ARHGEF26: variants seen among roughly 807,000 people sequenced by gnomAD.
The protein encoded by ARHGEF26 is Rho guanine nucleotide exchange factor (GEF) 26.
In ARHGEF26, 59 loss-of-function variants were observed where a neutral mutation model predicts 89.4. The observed-to-expected ratio is 0.66, with a 90% CI of 0.54 to 0.82. The LOEUF is 0.82. Among genes scored for constraint, ARHGEF26 ranks in the 40% least tolerant of loss-of-function variants. The probability of loss-of-function intolerance (pLI) is 0.00; values close to 1 mark genes in which losing one functional copy is unlikely to be tolerated. For missense variants in ARHGEF26, 1,234 were observed against 1,085.6 expected, an observed-to-expected ratio of 1.14 and a Z score of -1.92; for synonymous variants, 500 against 428.4, an observed-to-expected ratio of 1.17 and a Z score of -2.06.
At chr3:154,129,395 G>A (rs1718537530) in intron 3 of ARHGEF26, among the ~76,000 whole-genome samples, 179 bp from the exon 4 acceptor site, 1 of 152,194 alleles carries the variant, frequency 6.6e-6, no homozygotes, top group South Asian at 2.1e-4. Flanking sequence ...TTGAGTTTGA[G>A]ATAGAGCTAT....
intron 12 of ARHGEF26, 43 bp downstream of exon 12, chr3:154,240,622 T>C: frequency 6.6e-7 from 1 of 1,507,802 alleles, no homozygotes; most frequent in Non-Finnish European, 8.9e-7. Flanking sequence ...TGATAGTATC[T>C]CCCTGACCTG....
chr3:154,127,898 A>G (rs1339782711), intron 3 of ARHGEF26, among the ~76,000 whole-genome samples: 1 of 152,120 alleles, frequency 6.6e-6, no homozygotes, highest in Non-Finnish European at 1.5e-5. Context: ...GTGGTTTGTC[A>G]TTGATCAAAA....
chr3:154,242,641 G>T (rs1717539515), intron 12 of ARHGEF26, among the ~76,000 whole-genome samples: 2 of 152,172 alleles, frequency 1.3e-5, no homozygotes. Flanking sequence ...TGAGACGATT[G>T]ACTCCAATTT....
chr3:154,151,801 C>G (rs555588092), intron 5 of ARHGEF26, among the ~76,000 whole-genome samples: 3 of 152,250 alleles, frequency 2.0e-5, no homozygotes, highest in African/African-American at 7.2e-5. Context: ...CTTTCCTGCT[C>G]CCACCCAGCC....
chr3:154,236,567 G>A (rs1430385724), intron 11 of ARHGEF26, among the ~76,000 whole-genome samples: 4 of 152,158 alleles, frequency 2.6e-5, no homozygotes, highest in African/African-American at 7.2e-5. Context: ...TTTGTTAAAC[G>A]ATAGAGACAA....
intron 6 of ARHGEF26, among the ~76,000 whole-genome samples, chr3:154,169,844 G>C (rs1712304633): frequency 6.6e-6 from 1 of 152,156 alleles, no homozygotes; most frequent in South Asian, 2.1e-4. Flanking sequence ...AAATTATTGT[G>C]ACCAGAGGCT....
At chr3:154,252,326 G>GC (rs1471248210) in intron 12 of ARHGEF26, among the ~76,000 whole-genome samples, 13 of 152,162 alleles carry the variant, frequency 8.5e-5, no homozygotes, top group African/African-American at 2.9e-4. Context: ...CTGACATGTA[G>GC]CATGTGTTTA....
At chr3:154,153,297 G>C (rs1204650821) in intron 6 of ARHGEF26, among the ~76,000 whole-genome samples, 1 of 151,896 alleles carries the variant, frequency 6.6e-6, no homozygotes, top group East Asian at 1.9e-4. Flanking sequence ...GGCAATATCT[G>C]GCTACGATTT....
At chr3:154,123,189 TG>T in intron 2 of ARHGEF26, 114 bp downstream of exon 2, 2 of 1,451,798 alleles carry the variant, frequency 1.4e-6, no homozygotes, top group Non-Finnish European at 1.9e-6. Context: ...TTTAATTCTG[TG>T]TTTTGCTCTT....
At chr3:154,150,886 T>C (rs1719981251) in intron 5 of ARHGEF26, among the ~76,000 whole-genome samples, 1 of 152,214 alleles carries the variant, frequency 6.6e-6, no homozygotes, top group South Asian at 2.1e-4. Flanking sequence ...TAATTTGCTT[T>C]TAAATAGTTG....
intron 6 of ARHGEF26, among the ~76,000 whole-genome samples, chr3:154,167,035 T>A (rs1311335404): frequency 6.6e-6 from 1 of 152,184 alleles, no homozygotes; most frequent in Non-Finnish European, 1.5e-5. Flanking sequence ...GAGTATAATT[T>A]TTTAAAATCT....
chr3:154,235,948 G>A (rs1717102156), intron 11 of ARHGEF26, among the ~76,000 whole-genome samples: 1 of 152,128 alleles, frequency 6.6e-6, no homozygotes, highest in African/African-American at 2.4e-5. Flanking sequence ...ATTTTTAAAT[G>A]TCTTCCTGAT....
chr3:154,200,442 A>G (rs768769014), intron 9 of ARHGEF26, among the ~76,000 whole-genome samples: 5 of 152,100 alleles, frequency 3.3e-5, no homozygotes, highest in Admixed American at 2.0e-4. Flanking sequence ...TGCCAGTACC[A>G]TGCTGTCTTG....
chr3:154,147,681 A>G (rs940689890), intron 4 of ARHGEF26, among the ~76,000 whole-genome samples: 3 of 152,172 alleles, frequency 2.0e-5, no homozygotes, highest in African/African-American at 4.8e-5. Context: ...ACATCAAGTG[A>G]TTTTTACTTA....
At chr3:154,131,037 C>G (rs1427338978) in intron 4 of ARHGEF26, among the ~76,000 whole-genome samples, 1 of 152,174 alleles carries the variant, frequency 6.6e-6, no homozygotes, top group East Asian at 1.9e-4. Context: ...CTTCCCACCT[C>G]CTAATTTTGT....
intron 6 of ARHGEF26, among the ~76,000 whole-genome samples, chr3:154,181,084 A>T (rs539145254): frequency 6.6e-6 from 1 of 152,194 alleles, no homozygotes; most frequent in African/African-American, 2.4e-5. Context: ...CTGATCCAGT[A>T]TGTCAAAAGA....
intron 11 of ARHGEF26, among the ~76,000 whole-genome samples, chr3:154,237,538 T>TCA (rs71152796): frequency 0.059 from 8,386 of 143,184 alleles, 346 homozygotes; most frequent in African/African-American, 0.12. Context: ...TGAGACTCCG[T>TCA]CACACACACA....
intron 7 of ARHGEF26, among the ~76,000 whole-genome samples, chr3:154,189,829 TTTTG>T (rs2108183426): frequency 6.9e-6 from 1 of 145,596 alleles, no homozygotes; most frequent in East Asian, 2.4e-4. Context: ...ATTTAGAGGT[TTTTG>T]TTTTTTTTTT....
intron 10 of ARHGEF26, among the ~76,000 whole-genome samples, chr3:154,218,364 T>A (rs1715909831): frequency 6.6e-6 from 1 of 152,262 alleles, no homozygotes; most frequent in African/African-American, 2.4e-5. Context: ...ACTCCTTTTC[T>A]CGTTTACAAA....
Sources: allele counts gnomAD v4.1 joint callset (sites outside exome capture counted in the v4.1 genomes callset), GRCh38; gene constraint gnomAD v4.1.1; transcripts MANE v1.5; gene names NCBI Gene and HGNC (gene_info 2026-07-23, HGNC 2026-07-21).